Variants in SP4 observed in about 807,000 individuals in gnomAD.
SP4 encodes the protein Sp4 transcription factor.
SP4 carries 19 observed loss-of-function variants against 72.8 expected under a neutral mutation model. The observed-to-expected ratio is 0.26, with a 90% CI of 0.18 to 0.38. The LOEUF (loss-of-function observed/expected upper bound fraction) is 0.38, where lower values mean the gene tolerates loss of function less well. Ranked by LOEUF, SP4 falls within the 10% of genes least tolerant of loss-of-function variation. The probability of loss-of-function intolerance (pLI) is 1.00; values close to 1 mark genes in which losing one functional copy is unlikely to be tolerated. For synonymous variants in SP4, 395 were observed against 333.1 expected (o/e 1.19, Z -2.02); for missense variants, 1,008 against 926.3 (o/e 1.09, Z -1.14).
chr7:21,461,561 C>T (rs577368336), intron 3 of SP4, among the ~76,000 whole-genome samples: 33 of 152,330 alleles, frequency 2.2e-4, no homozygotes, highest in African/African-American at 7.2e-4. Flanking sequence ...CAAGCCCACA[C>T]CCACCCGGAA....
chr7:21,484,738 C>G (rs1007299142), intron 5 of SP4, among the ~76,000 whole-genome samples: 2 of 151,784 alleles, frequency 1.3e-5, no homozygotes, highest in Non-Finnish European at 3.0e-5. Context: ...AAATTTTCTA[C>G]TTTGTTTGAT....
intron 5 of SP4, among the ~76,000 whole-genome samples, chr7:21,488,093 G>C (rs1028117060): frequency 6.6e-6 from 1 of 152,034 alleles, no homozygotes; most frequent in African/African-American, 2.4e-5. Context: ...TTGAACTCCT[G>C]AGCTCAAGCA....
chr7:21,440,072 A>G (rs1038549152), intron 3 of SP4, among the ~76,000 whole-genome samples: 2 of 152,230 alleles, frequency 1.3e-5, no homozygotes, highest in Admixed American at 1.3e-4. Flanking sequence ...TAGTAGGTTT[A>G]TTATTCGTGC....
chr7:21,504,018 G>T (rs554933647), intron 5 of SP4, among the ~76,000 whole-genome samples: 1 of 152,186 alleles, frequency 6.6e-6, no homozygotes, highest in Non-Finnish European at 1.5e-5. Flanking sequence ...CCCCTGTCCT[G>T]TCTAATTCTT....
At chr7:21,443,624 C>T (rs1283967211) in intron 3 of SP4, among the ~76,000 whole-genome samples, 1 of 152,120 alleles carries the variant, frequency 6.6e-6, no homozygotes, top group Non-Finnish European at 1.5e-5. Context: ...CGTATAGGAA[C>T]GAGATAGTGA....
chr7:21,445,996 G>A (rs1463913999), intron 3 of SP4, among the ~76,000 whole-genome samples: 14 of 40,054 alleles, frequency 3.5e-4, no homozygotes, highest in African/African-American at 1.6e-3. Flanking sequence ...GTATGTGTGT[G>A]TGTGTGTGTG....
At position 21,455,718 on chromosome 7, in the gene SP4, G is replaced by A. The variant is rs949133105; in HGVS notation, c.1679-21361G>A. 2.6e-5 allele frequency among the ~76,000 whole-genome samples: 4 copies of A among 152,114 alleles called. No homozygotes were observed. In the South Asian group the frequency reaches 6.2e-4, roughly 24 times the overall value. On this transcript the variant is annotated intron_variant, in intron 3 of 5. Coordinates refer to ENST00000222584, the MANE Select transcript of SP4 (RefSeq NM_003112.5). ...ATTGTGCCTTCAACCCTGTTCTAAT[G>A]GTAATCTGTTAGCCTGGAACCAACC...
In SP4 at chr7:21,428,196, C is replaced by A; in HGVS notation, c.-56C>A. On this transcript the variant is annotated 5_prime_UTR_variant, in exon 1 of 6. Transcript: ENST00000222584. ...GCCTCTCCTCCCGCCTCGCCCCCACCCCCACCCACCTCTATCCCAGTGTCT... is the reference window on the plus strand; with the variant it reads ...GCCTCTCCTCCCGCCTCGCCCCCACACCCACCCACCTCTATCCCAGTGTCT... 1 of 1,018,236 alleles carries A rather than the reference C, an allele frequency of 9.8e-7. No homozygotes were observed. Among genetic ancestry groups the A allele is most frequent in the Non-Finnish European group, 1.5e-6 (1 of 679,850 alleles). 63.1% of individuals were successfully genotyped at this position (1,018,236 alleles called of 1,614,324 possible).
Position 21,429,575 on chromosome 7 carries a change from C to T in SP4, c.410C>T (p.Pro137Leu). The change falls in exon 3 of 6, where the codon CCT (proline) becomes CTT (leucine). Residue 137 changes from proline to leucine, a missense_variant. Around this residue, in one of 3 missense-constraint regions of SP4, gnomAD observed 893 missense variants for 743.3 expected, o/e 1.20. Transcript: ENST00000222584. Reference protein sequence around the residue: ...SSSSNNGSASPTKTKSGNSST... With the variant: ...SSSSNNGSASLTKTKSGNSST... ...AGCAGTAATAACGGGAGTGCATCTC[C>T]TACAAAAACTAAATCAGGTAATTCT... is the stretch of plus-strand genomic sequence containing the variant. The T allele has an allele frequency of 1.2e-6, 2 of 1,614,162 alleles. No individual in the cohort carries two copies. Among genetic ancestry groups the T allele is most frequent in the Non-Finnish European group, 1.7e-6 (2 of 1,180,020 alleles).
At chr7:21,495,935 A>G (rs1275613787) in intron 5 of SP4, among the ~76,000 whole-genome samples, 1 of 152,222 alleles carries the variant, frequency 6.6e-6, no homozygotes, top group Non-Finnish European at 1.5e-5. Flanking sequence ...ATGAATTATT[A>G]ATAAACAGCC....
chr7:21,460,579 C>G (rs560104965), intron 3 of SP4, among the ~76,000 whole-genome samples: 1 of 152,138 alleles, frequency 6.6e-6, no homozygotes, highest in Admixed American at 6.5e-5. Flanking sequence ...CTGGCTCGGG[C>G]AGCCTGCTTT....
At chr7:21,502,018 T>A (rs1003828434) in intron 5 of SP4, among the ~76,000 whole-genome samples, 1 of 147,126 alleles carries the variant, frequency 6.8e-6, no homozygotes, top group African/African-American at 2.5e-5. Flanking sequence ...CTATTTGGTT[T>A]CGGGCCTTAA....
chr7:21,428,092 C>T lies in SP4; in HGVS notation c.-160C>T. Reference sequence around the variant, plus strand: ...GAGGAGCTGCTACGCCACAGCCCAGCGGCGGCCATTCGCGGAAAAAGAGGC... The same window carrying T: ...GAGGAGCTGCTACGCCACAGCCCAGTGGCGGCCATTCGCGGAAAAAGAGGC... On this transcript the variant is annotated 5_prime_UTR_variant, in exon 1 of 6. Transcript: ENST00000222584. 4.5e-6 allele frequency: 3 copies of T among 669,236 alleles called. No individual in the cohort carries two copies. The highest frequency in any genetic ancestry group is 8.3e-6 in the Non-Finnish European group (3 of 359,958). The allele number at this position is 669,236 out of a possible 1,614,324, so 41.5% of individuals were successfully genotyped here.
In SP4 at chr7:21,430,360, G is replaced by T; in HGVS notation, c.1195G>T (p.Val399Leu). The T allele has an allele frequency of 6.2e-7, 1 of 1,614,190 alleles. No homozygotes were observed. Among genetic ancestry groups the T allele is most frequent in the Non-Finnish European group, 8.5e-7 (1 of 1,180,042 alleles). The change falls in exon 3 of 6, where the codon GTA (valine) becomes TTA (leucine). Residue 399 changes from valine (V) to leucine (L), a missense_variant. Around this residue, in one of 3 missense-constraint regions of SP4, gnomAD observed 893 missense variants for 743.3 expected, o/e 1.20. Transcript: ENST00000222584. ...AAATTCTCTTCAGCAGGTGCAAATT[G>T]TAGGCCAACCTATCTTACAGCAGAT... ...QSNSLQQVQI[V>L]GQPILQQIQI...
rs896338261 is a variant in SP4 at position 21,511,575 on chromosome 7, A to G, written c.*306A>G. 5 of 251,940 alleles carry G rather than the reference A, an allele frequency of 2.0e-5. No homozygotes were observed. The highest frequency in any genetic ancestry group is 1.1e-4 in the African/African-American group (5 of 45,274). 15.6% of individuals were successfully genotyped at this position (251,940 alleles called of 1,614,324 possible). On this transcript the variant is annotated 3_prime_UTR_variant, in exon 6 of 6. Coordinates refer to ENST00000222584, the MANE Select transcript of SP4 (RefSeq NM_003112.5). ...CTTAATATCATGTGTTAACATGTTT[A>G]AAAAGACCTTAGTAGTTTGCAGGCT...
intron 3 of SP4, among the ~76,000 whole-genome samples, chr7:21,445,513 T>A (rs967365523): frequency 2.0e-5 from 3 of 152,192 alleles, no homozygotes; most frequent in African/African-American, 7.2e-5. Context: ...TATCTGCCAT[T>A]GTATACATCG....
intron 5 of SP4, among the ~76,000 whole-genome samples, chr7:21,505,960 TCA>T (rs376188892): frequency 0.011 from 1,632 of 152,204 alleles, 30 homozygotes; most frequent in African/African-American, 0.037. Context: ...TCCCTAACCC[TCA>T]CAAGGGGATT....
In SP4 at chr7:21,479,388, T is replaced by C. The variant is rs182731899; in HGVS notation, c.1907+2081T>C. On this transcript the variant is annotated intron_variant, in intron 4 of 5. Transcript: ENST00000222584. ...ATCAAGCACCAGTTGTTGAAAAGAC[T>C]GTCCTTTCTCCGTTGAATGTTCTTG... is the stretch of plus-strand genomic sequence containing the variant. Among the ~76,000 whole-genome samples, 1,358 of 152,278 alleles carry C rather than the reference T, an allele frequency of 8.9e-3. 24 individuals are homozygous for C. Among genetic ancestry groups the C allele is most frequent in the African/African-American group, 0.031 (1,269 of 41,572 alleles).
intron 3 of SP4, among the ~76,000 whole-genome samples, chr7:21,458,426 C>T (rs1783847577): frequency 6.6e-6 from 1 of 152,146 alleles, no homozygotes; most frequent in African/African-American, 2.4e-5. Flanking sequence ...TCAGGTGATC[C>T]ACCTGCCTCG....
Sources: allele counts gnomAD v4.1 joint callset (sites outside exome capture counted in the v4.1 genomes callset), GRCh38; gene constraint gnomAD v4.1.1; regional missense constraint gnomAD v4.1.1; transcripts MANE v1.5; gene names NCBI Gene and HGNC (gene_info 2026-07-23, HGNC 2026-07-21).